PTPN21: variants seen among roughly 807,000 people sequenced by gnomAD.
PTPN21 encodes protein tyrosine phosphatase non-receptor type 21.
Under a neutral mutation model 131.8 loss-of-function variants are expected in PTPN21, and 77 were observed. That is an observed-to-expected ratio of 0.58 (90% confidence interval 0.49 to 0.71). PTPN21 has a LOEUF of 0.71. Among genes scored for constraint, PTPN21 ranks in the 30% least tolerant of loss-of-function variants. PTPN21 has a pLI of 0.00. For synonymous variants in PTPN21, 715 were observed against 621.3 expected (o/e 1.15, Z -2.24); for missense variants, 1,552 against 1,527.1 (o/e 1.02, Z -0.27).
Position 88,468,154 on chromosome 14 carries a change from TTTTCAG to T in PTPN21, c.3502_3507del (p.Leu1168_Lys1169del). On this transcript the variant is annotated inframe_deletion, in exon 19 of 19. Coordinates refer to ENST00000556564, the MANE Select transcript of PTPN21 (RefSeq NM_007039.4). ...GTGGGAGCTTAGATGAGCCTGGAGC[TTTTCAG>T]GAACTGGATGAGGACTCTGTACACA... 1 of 1,613,954 alleles carries T rather than the reference TTTTCAG, an allele frequency of 6.2e-7. No homozygotes were observed.
At chr14:88,496,380 T>A (rs2077916427) in intron 10 of PTPN21, 33 bp downstream of exon 10, 1 of 1,534,882 alleles carries the variant, frequency 6.5e-7, no homozygotes, top group Admixed American at 1.7e-5. Context: ...AATTCATTAT[T>A]TTTGATAATT....
intron 2 of PTPN21, among the ~76,000 whole-genome samples, chr14:88,545,113 G>A (rs2078757741): frequency 6.6e-6 from 1 of 152,102 alleles, no homozygotes; most frequent in Non-Finnish European, 1.5e-5. Context: ...GGGATTACAC[G>A]CGTGAGCCAC....
At chr14:88,491,895 T>C (rs1318652122) in intron 10 of PTPN21, among the ~76,000 whole-genome samples, 1 of 151,978 alleles carries the variant, frequency 6.6e-6, no homozygotes, top group Non-Finnish European at 1.5e-5. Flanking sequence ...ATTAATGTAG[T>C]TTTGTTCACA....
intron 1 of PTPN21, chr14:88,551,917 A>G (rs1453716276): frequency 6.6e-6 from 1 of 152,276 alleles, no homozygotes; most frequent in African/African-American, 2.4e-5. Flanking sequence ...CAGCTGGATT[A>G]GTTTTTTCCC....
At chr14:88,546,238 G>A (rs1296398828) in intron 2 of PTPN21, among the ~76,000 whole-genome samples, 1 of 151,776 alleles carries the variant, frequency 6.6e-6, no homozygotes, top group African/African-American at 2.4e-5. Flanking sequence ...TGGGTATAGT[G>A]TTATACTATT....
chr14:88,492,027 C>CA (rs11384622), intron 10 of PTPN21, among the ~76,000 whole-genome samples: 34,466 of 140,884 alleles, frequency 0.24, 4,074 homozygotes, highest in East Asian at 0.33. Flanking sequence ...TGTTAATTTG[C>CA]AAAAAAAAAA....
Position 88,488,545 on chromosome 14 carries a change from ACT to A in PTPN21, c.933-2705_933-2704del, listed in dbSNP as rs750843416. Among the ~76,000 whole-genome samples the A allele has an allele frequency of 4.1e-4, 63 of 152,240 alleles. 1 individual carries two copies. Among genetic ancestry groups the A allele is most frequent in the Non-Finnish European group, 4.3e-4 (29 of 68,046 alleles). On this transcript the variant is annotated intron_variant, in intron 10 of 18. Transcript: ENST00000556564. ...TTGGCATACAAGAGAAAACCATGTA[ACT>A]GTTGGCTGTGGTTTCCAAACTTTTT...
At chr14:88,502,375 T>C (rs2078023098) in intron 6 of PTPN21, among the ~76,000 whole-genome samples, 1 of 152,120 alleles carries the variant, frequency 6.6e-6, no homozygotes, top group Admixed American at 6.6e-5. Context: ...CTATGCATCA[T>C]TTCCTCTGGA....
rs1163600361 is a variant in PTPN21 at position 88,550,613 on chromosome 14, G to A, written c.-196C>T. ...ATGGCCCGAGGAAGGGAGCATTGAC[G>A]CCAGCGCTGGGGAAAGAGGAACGCC... On this transcript the variant is annotated 5_prime_UTR_variant, in exon 2 of 19. Transcript: ENST00000556564. The A allele has an allele frequency of 2.2e-5, 12 of 548,688 alleles. No individual in the cohort carries two copies. Among genetic ancestry groups the A allele is most frequent in the Admixed American group, 3.4e-5 (1 of 29,256 alleles). The allele number at this position is 548,688 out of a possible 1,614,324, so 34.0% of individuals were successfully genotyped here. A position where few individuals can be genotyped will look rare whatever the true frequency, so the allele number is the denominator to read the frequency against.
chr14:88,512,209 G>C (rs1180946120), intron 3 of PTPN21: 1 of 152,124 alleles, frequency 6.6e-6, no homozygotes, highest in Non-Finnish European at 1.5e-5. Context: ...CGTGCCACCT[G>C]TAAGTACTTC....
intron 10 of PTPN21, among the ~76,000 whole-genome samples, chr14:88,491,175 G>T (rs1022084115): frequency 6.6e-6 from 1 of 152,146 alleles, no homozygotes; most frequent in Non-Finnish European, 1.5e-5. Flanking sequence ...TTTGGATAAC[G>T]ATCATTCTGT....
At position 88,509,896 on chromosome 14, in the gene PTPN21, C is replaced by T. The variant is rs548905875; in HGVS notation, c.351-1876G>A. Among the ~76,000 whole-genome samples the T allele has an allele frequency of 1.3e-3, 204 of 152,164 alleles. 1 individual carries two copies. The highest frequency in any genetic ancestry group is 4.7e-3 in the African/African-American group (194 of 41,524). ...ACTAAAAATACAAAAATTAGCCAGG[C>T]GTGGTGGCACATGCCTGTAGTCCCA... On this transcript the variant is annotated intron_variant, in intron 3 of 18. Transcript: ENST00000556564.
In PTPN21 at chr14:88,501,514, C is replaced by CTA. The variant is rs376000728; in HGVS notation, c.588-147_588-146insTA. ...AGCATCTATAATTGGCTATATCAAT[C>CTA]TTGCTATTTACTGAAAACCAGTATG... On this transcript the variant is annotated intron_variant, in intron 6 of 18. Transcript: ENST00000556564. The CTA allele has an allele frequency of 3.4e-4, 241 of 711,614 alleles. 4 individuals are homozygous for CTA. The African/African-American group carries it at 4.0e-3, about 12-fold the overall frequency. The allele number at this position is 711,614 out of a possible 1,614,324, so 44.1% of individuals were successfully genotyped here.
intron 2 of PTPN21, among the ~76,000 whole-genome samples, chr14:88,546,674 G>A (rs2078787032): frequency 6.6e-6 from 1 of 151,874 alleles, no homozygotes; most frequent in Non-Finnish European, 1.5e-5. Flanking sequence ...CAGTAGCAAA[G>A]TTTTCCACCC....
At chr14:88,493,453 G>C (rs1003468749) in intron 10 of PTPN21, among the ~76,000 whole-genome samples, 1 of 152,170 alleles carries the variant, frequency 6.6e-6, no homozygotes, top group East Asian at 1.9e-4. Flanking sequence ...TGCCTTCCTG[G>C]AGTCAGACTC....
intron 2 of PTPN21, among the ~76,000 whole-genome samples, chr14:88,548,784 C>A (rs1325007584): frequency 6.6e-6 from 1 of 152,116 alleles, no homozygotes; most frequent in African/African-American, 2.4e-5. Flanking sequence ...TAATTAGAGA[C>A]CTTTCTTCAC....
intron 10 of PTPN21, among the ~76,000 whole-genome samples, chr14:88,492,357 A>G (rs1262975259): frequency 6.6e-6 from 1 of 152,212 alleles, no homozygotes; most frequent in Non-Finnish European, 1.5e-5. Flanking sequence ...AAAGGCAAGT[A>G]GCACTACTGA....
chr14:88,480,225 G>A lies in PTPN21; in HGVS notation c.1206C>T (p.Ser402=), dbSNP rs1164611656. 6.2e-7 allele frequency: 1 copy of A among 1,614,188 alleles called. No individual in the cohort carries two copies. The highest frequency in any genetic ancestry group is 1.7e-5 in the Admixed American group (1 of 60,032). ...GSVYSAHSTN[S]LNNPQPYLQP... ...GCAAGTAGGGCTGAGGATTATTTAA[G>A]GAGTTGGTGCTGTGTGCACTGTAGA... Residue 402 remains serine, a synonymous_variant, in exon 13 of 19, where the codon TCC becomes TCT. Coordinates refer to ENST00000556564, the MANE Select transcript of PTPN21 (RefSeq NM_007039.4).
At chr14:88,518,512 C>T (rs1463062214) in intron 2 of PTPN21, among the ~76,000 whole-genome samples, 1 of 133,936 alleles carries the variant, frequency 7.5e-6, no homozygotes, top group African/African-American at 2.8e-5. Context: ...CTCACTGCAA[C>T]CTCCGCTTCC....
Sources: gnomAD v4.1 joint callset for allele counts (sites outside exome capture counted in the v4.1 genomes callset) on GRCh38, gnomAD v4.1.1 for gene constraint, MANE v1.5 for transcripts, NCBI Gene and HGNC (gene_info 2026-07-23, HGNC 2026-07-21) for gene names.